Variants in HORMAD2 observed in about 807,000 individuals in gnomAD.
HORMAD2 encodes HORMA domain-containing protein 2.
Under a neutral mutation model 38.8 loss-of-function variants are expected in HORMAD2, and 45 were observed. The ratio of observed to expected loss-of-function variants is 1.16; its 90% CI spans 0.91 to 1.49. The LOEUF is 1.49. HORMAD2 is among the 40% of genes most tolerant of loss of function. The pLI, the probability that HORMAD2 is intolerant of heterozygous loss-of-function variation, is 0.00. For synonymous variants in HORMAD2, 126 were observed against 122.8 expected, an observed-to-expected ratio of 1.03 and a Z score of -0.17; for missense variants, 338 against 367.0, an observed-to-expected ratio of 0.92 and a Z score of 0.65.
At chr22:30,196,781 C>T in the HORMAD2 span, among the ~76,000 whole-genome samples, 4 of 152,180 alleles carry the variant, frequency 2.6e-5, no homozygotes, top group South Asian at 2.1e-4. Context: ...TTGGCTCTGA[C>T]TTTCACCTCA....
Position 30,169,249 on chromosome 22 carries a change from CTGTT to C in HORMAD2, c.820-6808_820-6805del. Among the ~76,000 whole-genome samples, 6 of 152,272 alleles carry C rather than the reference CTGTT, an allele frequency of 3.9e-5. No homozygotes were observed. In the South Asian group the frequency reaches 1.2e-3, roughly 32 times the overall value. Reference sequence around the variant, plus strand: ...ATGACTCTGTCATTTCCTCTGTAACCTGTTTGTTTCCCCGTACCAGGCCTTCTTT... The same window carrying C: ...ATGACTCTGTCATTTCCTCTGTAACCTGTTTCCCCGTACCAGGCCTTCTTT... On this transcript the variant is annotated intron_variant, in intron 10 of 10. Coordinates refer to ENST00000336726, the MANE Select transcript of HORMAD2 (RefSeq NM_152510.4).
chr22:30,087,689 C>A (rs560099354), intron 1 of HORMAD2, among the ~76,000 whole-genome samples: 3 of 151,164 alleles, frequency 2.0e-5, no homozygotes, highest in Admixed American at 6.6e-5. Context: ...GCAGGCACAT[C>A]TTACATGGCC....
At chr22:30,080,281 C>T (rs370468943), upstream of HORMAD2, 1 of 152,416 alleles carries the variant, frequency 6.6e-6, no homozygotes, top group Non-Finnish European at 1.5e-5. Context: ...GGCTAGGGGC[C>T]GGCTAGCCGC....
intron 10 of HORMAD2, among the ~76,000 whole-genome samples, chr22:30,126,269 C>T (rs1012314924): frequency 3.9e-5 from 6 of 151,950 alleles, no homozygotes; most frequent in African/African-American, 1.5e-4. Flanking sequence ...CCTGGGTTCA[C>T]GCCATTCTCC....
chr22:30,165,978 A>C (rs1925755233), intron 10 of HORMAD2, among the ~76,000 whole-genome samples: 1 of 144,956 alleles, frequency 6.9e-6, no homozygotes, highest in African/African-American at 2.6e-5. Flanking sequence ...CTTTTTCTTT[A>C]TTCTTCATTC....
intron 2 of HORMAD2, among the ~76,000 whole-genome samples, chr22:30,097,773 G>T (rs775091953): frequency 6.6e-6 from 1 of 152,170 alleles, no homozygotes; most frequent in Admixed American, 6.5e-5. Flanking sequence ...ATCATGATAA[G>T]ATTTGTATCC....
intron 10 of HORMAD2, among the ~76,000 whole-genome samples, chr22:30,128,721 T>G (rs73883370): frequency 6.6e-6 from 1 of 152,078 alleles, no homozygotes; most frequent in South Asian, 2.1e-4. Flanking sequence ...TACTTAAACC[T>G]GGTTGCCTTG....
chr22:30,192,746 C>T, the HORMAD2 span, among the ~76,000 whole-genome samples: 6 of 152,046 alleles, frequency 3.9e-5, no homozygotes, highest in African/African-American at 1.5e-4. Flanking sequence ...GTGTTGAGTT[C>T]CATTATGCCA....
the HORMAD2 span, among the ~76,000 whole-genome samples, chr22:30,202,287 C>T: frequency 2.0e-5 from 3 of 151,940 alleles, no homozygotes; most frequent in Admixed American, 6.6e-5. Context: ...TGGGTTGGCA[C>T]GTCGGTCAAA....
chr22:30,187,774 T>A, the HORMAD2 span, among the ~76,000 whole-genome samples: 4 of 152,134 alleles, frequency 2.6e-5, no homozygotes, highest in Non-Finnish European at 5.9e-5. Flanking sequence ...TAATTTCTTT[T>A]AAGCAACCTG....
the HORMAD2 span, among the ~76,000 whole-genome samples, chr22:30,204,473 T>C: frequency 3.0e-3 from 455 of 152,354 alleles, 8 homozygotes; most frequent in African/African-American, 0.011. Context: ...TTCAGGCGGC[T>C]GCCCTGGGCC....
the HORMAD2 span, among the ~76,000 whole-genome samples, chr22:30,185,581 G>A: frequency 1.1e-3 from 174 of 152,256 alleles, 2 homozygotes; most frequent in Non-Finnish European, 1.8e-3. Flanking sequence ...TCTTAAAATG[G>A]ATAAGCTAAA....
At chr22:30,169,307 G>T (rs2123734125) in intron 10 of HORMAD2, among the ~76,000 whole-genome samples, 1 of 152,174 alleles carries the variant, frequency 6.6e-6, no homozygotes, top group South Asian at 2.1e-4. Flanking sequence ...GATCAGCTTT[G>T]TATCTTTAGT....
At chr22:30,172,020 C>T (rs1016026271) in intron 10 of HORMAD2, among the ~76,000 whole-genome samples, 15 of 152,070 alleles carry the variant, frequency 9.9e-5, no homozygotes, top group Non-Finnish European at 1.2e-4. Flanking sequence ...TCTAGTAGCT[C>T]CTCAAACAGC....
chr22:30,112,440 G>C, intron 6 of HORMAD2, 56 bp from the exon 7 acceptor site: 1 of 825,212 alleles, frequency 1.2e-6, no homozygotes, highest in Non-Finnish European at 2.0e-6. Context: ...GGTATTTGAT[G>C]AGGAGTAATC....
the HORMAD2 span, among the ~76,000 whole-genome samples, chr22:30,192,528 A>C: frequency 6.6e-6 from 1 of 152,168 alleles, no homozygotes; most frequent in African/African-American, 2.4e-5. Flanking sequence ...ACAAATTTTG[A>C]ATTAAGGGTT....
chr22:30,098,339 T>G (rs1412855849), intron 2 of HORMAD2, among the ~76,000 whole-genome samples: 1 of 152,120 alleles, frequency 6.6e-6, no homozygotes, highest in African/African-American at 2.4e-5. Context: ...TAAAAGAGAC[T>G]GAGACAGATA....
chr22:30,088,206 T>TACATATATAC (rs1302909318), intron 1 of HORMAD2, among the ~76,000 whole-genome samples: 3 of 150,414 alleles, frequency 2.0e-5, no homozygotes, highest in East Asian at 1.9e-4. Flanking sequence ...TATACATATA[T>TACATATATAC]ACATATATAC....
At chr22:30,085,998 C>T (rs2068564101) in intron 1 of HORMAD2, among the ~76,000 whole-genome samples, 1 of 152,120 alleles carries the variant, frequency 6.6e-6, no homozygotes, top group Admixed American at 6.5e-5. Context: ...ATGTCTCCAC[C>T]CAAATCTCAT....
Sources: gnomAD v4.1 joint callset for allele counts (sites outside exome capture counted in the v4.1 genomes callset) on GRCh38, gnomAD v4.1.1 for gene constraint, MANE v1.5 for transcripts, NCBI Gene and HGNC (gene_info 2026-07-23, HGNC 2026-07-21) for gene names.